GFRAL: variants seen among roughly 807,000 people sequenced by gnomAD.
GFRAL encodes GDNF family receptor alpha like.
GFRAL carries 36 observed loss-of-function variants against 45.4 expected under a neutral mutation model. The ratio of observed to expected loss-of-function variants is 0.79; its 90% CI spans 0.61 to 1.05. The LOEUF is 1.05. Ranked by LOEUF, GFRAL falls within the 50% of genes least tolerant of loss-of-function variation. The pLI, the probability that GFRAL is intolerant of heterozygous loss-of-function variation, is 0.00. For missense variants in GFRAL, 507 were observed against 467.5 expected (o/e 1.08, Z -0.78); for synonymous variants, 166 against 154.1 (o/e 1.08, Z -0.57).
At chr6:55,400,849 GACAA>G (rs1768887032) in intron 8 of GFRAL, among the ~76,000 whole-genome samples, 1 of 152,146 alleles carries the variant, frequency 6.6e-6, no homozygotes, top group Non-Finnish European at 1.5e-5. Context: ...GATATTCCAT[GACAA>G]ACATTGTTAC....
chr6:55,396,876 C>CTTTTT lies in GFRAL; in HGVS notation c.953-2291_953-2287dup, dbSNP rs369457794. ...ATTTTGCATTCTAACAAGGGGGAAG[C>CTTTTT]TTTTTTTTTTTTTTTTTCTGGAGTC... On this transcript the variant is annotated intron_variant, in intron 6 of 8. Transcript: ENST00000340465. 2.4e-4 allele frequency among the ~76,000 whole-genome samples: 31 copies of CTTTTT among 127,886 alleles called. 1 individual carries two copies. The highest frequency in any genetic ancestry group is 5.0e-4 in the South Asian group (2 of 3,974). The allele number at this position is 127,886 out of a possible 152,430, so 83.9% of individuals were successfully genotyped here.
intron 6 of GFRAL, among the ~76,000 whole-genome samples, chr6:55,360,655 AG>A (rs1384443169): frequency 6.6e-6 from 1 of 151,988 alleles, no homozygotes; most frequent in Non-Finnish European, 1.5e-5. Flanking sequence ...GATACAGAGA[AG>A]AATTGAAGTG....
rs1257244362 is a variant in GFRAL at position 55,351,495 on chromosome 6, C to T, written c.613C>T (p.Leu205Phe). ...ACCTTGTCAGCAGTCCAAAGAAGCT[C>T]TTCACAGCAAGACATGTGCAGTGAA... ...DIPCQQSKEA[L>F]HSKTCAVNMV... The change falls in exon 5 of 9, where the codon CTT becomes TTT. Residue 205 changes from leucine (L) to phenylalanine (F), a missense_variant. Transcript: ENST00000340465. 2.5e-6 allele frequency: 4 copies of T among 1,613,602 alleles called. No homozygotes were observed. The highest frequency in any genetic ancestry group is 3.4e-6 in the Non-Finnish European group (4 of 1,179,730).
chr6:55,401,554 T>C (rs1194889528), intron 8 of GFRAL, among the ~76,000 whole-genome samples: 2 of 152,196 alleles, frequency 1.3e-5, no homozygotes, highest in African/African-American at 4.8e-5. Context: ...ACTAAAAATT[T>C]AAATATTTAC....
At chr6:55,388,548 T>G (rs910754680) in intron 6 of GFRAL, among the ~76,000 whole-genome samples, 13 of 152,198 alleles carry the variant, frequency 8.5e-5, no homozygotes, top group African/African-American at 3.1e-4. Flanking sequence ...ATGGTAGCTA[T>G]TACATTGAAA....
intron 5 of GFRAL, 117 bp from the exon 6 acceptor site, chr6:55,358,771 T>C (rs1479972179): frequency 2.3e-6 from 2 of 856,404 alleles, no homozygotes; most frequent in East Asian, 2.6e-5. Context: ...TTTTCAACTA[T>C]GTACTGGCAT....
intron 6 of GFRAL, among the ~76,000 whole-genome samples, chr6:55,382,736 A>G (rs575235753): frequency 1.3e-5 from 2 of 152,048 alleles, no homozygotes; most frequent in South Asian, 4.1e-4. Context: ...TAATTTTTCC[A>G]TCATTTACAA....
chr6:55,351,431 C>A lies in GFRAL; in HGVS notation c.549C>A (p.Ala183=). Residue 183 remains alanine, a synonymous_variant, in exon 5 of 9, where the codon GCC becomes GCA. Transcript: ENST00000340465. ...FFYQNIPFNI[A]QMLAFCDCAQ... ...ATCAAAATATACCTTTTAACATTGC[C>A]CAGATGTTGGCTTTTTGTGACTGTG... 1 of 1,613,584 alleles carries A rather than the reference C, an allele frequency of 6.2e-7. No homozygotes were observed. The highest frequency in any genetic ancestry group is 8.5e-7 in the Non-Finnish European group (1 of 1,179,698).
At chr6:55,347,839 G>C (rs1341819315) in intron 3 of GFRAL, among the ~76,000 whole-genome samples, 1 of 151,824 alleles carries the variant, frequency 6.6e-6, no homozygotes, top group African/African-American at 2.4e-5. Context: ...TTTTGCTTTT[G>C]CTTTAAATGT....
At chr6:55,372,271 A>C (rs1236980525) in intron 6 of GFRAL, among the ~76,000 whole-genome samples, 2 of 152,136 alleles carry the variant, frequency 1.3e-5, no homozygotes, top group Non-Finnish European at 2.9e-5. Context: ...GTACTGCTAT[A>C]ATCTTCCCCA....
rs1768904132 is a variant in GFRAL, at chr6:55,401,907, T to TTCC, written c.*57_*59dup. On this transcript the variant is annotated 3_prime_UTR_variant, in exon 9 of 9. Transcript: ENST00000340465. ...TCACTCTTTTCTCTGCTTTTCTTCTTTCCTCTTTTCTTCTCTCCTCTCCTC... is the reference window on the plus strand; with the variant it reads ...TCACTCTTTTCTCTGCTTTTCTTCTTTCCTCCTCTTTTCTTCTCTCCTCTCCTC... The TTCC allele has an allele frequency of 4.1e-6, 4 of 987,186 alleles. No homozygotes were observed. Among genetic ancestry groups the TTCC allele is most frequent in the Non-Finnish European group, 6.5e-6 (4 of 616,710 alleles). 61.2% of individuals were successfully genotyped at this position (987,186 alleles called of 1,614,324 possible).
At chr6:55,389,556 A>AAG (rs397975231) in intron 6 of GFRAL, among the ~76,000 whole-genome samples, 8 of 152,158 alleles carry the variant, frequency 5.3e-5, no homozygotes, top group African/African-American at 1.7e-4. Flanking sequence ...TCACAAAAAA[A>AAG]CAGTAAATAT....
intron 6 of GFRAL, among the ~76,000 whole-genome samples, chr6:55,389,391 C>T (rs1502198): frequency 0.064 from 9,742 of 152,034 alleles, 507 homozygotes; most frequent in African/African-American, 0.14. Context: ...TAAATCAAAA[C>T]GTACAGCAAT....
At chr6:55,366,495 T>C (rs1768366008) in intron 6 of GFRAL, among the ~76,000 whole-genome samples, 1 of 145,460 alleles carries the variant, frequency 6.9e-6, no homozygotes, top group Non-Finnish European at 1.5e-5. Context: ...TTTGAATGTG[T>C]TTGCTCTTGC....
At chr6:55,361,390 C>T (rs1275091077) in intron 6 of GFRAL, among the ~76,000 whole-genome samples, 4 of 151,754 alleles carry the variant, frequency 2.6e-5, no homozygotes, top group African/African-American at 7.3e-5. Flanking sequence ...TGTATATCCT[C>T]CCATATACTT....
At chr6:55,391,389 C>T (rs975520531) in intron 6 of GFRAL, among the ~76,000 whole-genome samples, 2 of 152,156 alleles carry the variant, frequency 1.3e-5, no homozygotes, top group Admixed American at 1.3e-4. Context: ...AACACTATTT[C>T]AAACTCTCTT....
chr6:55,351,766 C>T (rs1768121477), intron 5 of GFRAL, among the ~76,000 whole-genome samples, 183 bp downstream of exon 5: 1 of 151,918 alleles, frequency 6.6e-6, no homozygotes, highest in Non-Finnish European at 1.5e-5. Flanking sequence ...ATCTGAAATT[C>T]AAATGCAGAG....
At chr6:55,397,975 T>C (rs982470824) in intron 6 of GFRAL, among the ~76,000 whole-genome samples, 3 of 152,210 alleles carry the variant, frequency 2.0e-5, no homozygotes, top group African/African-American at 7.2e-5. Flanking sequence ...TTTAGTACAA[T>C]AGCACACACT....
chr6:55,363,132 C>T (rs1385873677), intron 6 of GFRAL, among the ~76,000 whole-genome samples: 1 of 150,068 alleles, frequency 6.7e-6, no homozygotes, highest in Non-Finnish European at 1.5e-5. Context: ...CATAGCAATA[C>T]AAAAAAAAAA....
Sources: allele counts gnomAD v4.1 joint callset (sites outside exome capture counted in the v4.1 genomes callset), GRCh38; gene constraint gnomAD v4.1.1; transcripts MANE v1.5; gene names NCBI Gene and HGNC (gene_info 2026-07-23, HGNC 2026-07-21).